ABCB6: variants seen among roughly 807,000 people sequenced by gnomAD.
The protein encoded by ABCB6 is ATP-binding cassette sub-family B member 6.
ABCB6 carries 87 observed loss-of-function variants against 99.4 expected under a neutral mutation model. That is an observed-to-expected ratio of 0.88 (90% CI 0.74 to 1.05). The LOEUF (loss-of-function observed/expected upper bound fraction) is 1.05. Among genes scored for constraint, ABCB6 ranks in the 50% least tolerant of loss-of-function variants. The probability of loss-of-function intolerance (pLI) is 0.00; values close to 1 mark genes in which losing one functional copy is unlikely to be tolerated. For missense variants in ABCB6, 1,050 were observed against 1,097.9 expected (o/e 0.96, Z 0.62); for synonymous variants, 482 against 447.5 (o/e 1.08, Z -0.97).
chr2:219,214,791 G>C (rs1950619887), intron 6 of ABCB6, 170 bp downstream of exon 6: 3 of 747,130 alleles, frequency 4.0e-6, no homozygotes, highest in East Asian at 2.7e-5. Context: ...GCTAGGTTAA[G>C]GTTTGATTTG....
rs113726757 is a variant in ABCB6 at position 219,217,660 on chromosome 2, T to C, written c.687+10A>G. On this transcript the variant is annotated intron_variant, in intron 2 of 18. Transcript: ENST00000265316. The stretch of plus-strand genomic sequence containing the variant: ...TCCGTCTCCAAAAAAAAAAAGAAAC[T>C]GAGGTGTACCTGGCTCCTTTCCACA... 5.9e-5 allele frequency: 93 copies of C among 1,571,360 alleles called. 2 individuals carry two copies. The African/African-American group carries it at 7.4e-4, about 13-fold the overall frequency.
rs1167205633 is a variant in ABCB6, at chr2:219,213,278, T to C, written c.1768A>G (p.Ile590Val). 6.2e-7 allele frequency: 1 copy of C among 1,614,114 alleles called. No individual in the cohort carries two copies. The highest frequency in any genetic ancestry group is 8.5e-7 in the Non-Finnish European group (1 of 1,180,022). ...AGPLRFQKGR[I>V]EFENVHFSYA... ...CTGAAGTGCACGTTCTCAAACTCAATACGGCCCTTCTGAAAGCGAAGGGGC... is the reference window on the plus strand; with the variant it reads ...CTGAAGTGCACGTTCTCAAACTCAACACGGCCCTTCTGAAAGCGAAGGGGC... The change falls in exon 12 of 19, where the codon ATT becomes GTT. Residue 590 changes from isoleucine (I) to valine (V), a missense_variant. Transcript: ENST00000265316.
At position 219,218,909 on chromosome 2, in the gene ABCB6, C is replaced by T. The variant is rs1950686828; in HGVS notation, c.-236G>A. 3 of 489,474 alleles carry T rather than the reference C, an allele frequency of 6.1e-6. No individual in the cohort carries two copies. The highest frequency in any genetic ancestry group is 1.1e-5 in the Non-Finnish European group (3 of 281,232). 30.3% of individuals were successfully genotyped at this position (489,474 alleles called of 1,614,324 possible). On this transcript the variant is annotated 5_prime_UTR_variant, in exon 1 of 19. Coordinates refer to ENST00000265316, the MANE Select transcript of ABCB6 (RefSeq NM_005689.4). ...CACGTACGCCGTCTCAGCACGGCCCCGCTGGCTCTGGGCCCGGGACCCTCC... is the reference window on the plus strand; with the variant it reads ...CACGTACGCCGTCTCAGCACGGCCCTGCTGGCTCTGGGCCCGGGACCCTCC...
chr2:219,212,921 A>C (rs1177026617), intron 13 of ABCB6, 87 bp downstream of exon 13: 3 of 1,454,078 alleles, frequency 2.1e-6, no homozygotes, highest in Non-Finnish European at 2.9e-6. Context: ...GGGCTCTCTG[A>C]CTCCACAGCC....
In ABCB6 at chr2:219,216,268, T is replaced by G. The variant is rs555580172; in HGVS notation, c.971-88A>C. ...AGGATGTGAAAGGTCTGAGAGTACA[T>G]GGGGGCTGGGGAGGAATGCTGGGAG... is the stretch of plus-strand genomic sequence containing the variant. On this transcript the variant is annotated intron_variant, in intron 4 of 18. Coordinates refer to ENST00000265316, the MANE Select transcript of ABCB6 (RefSeq NM_005689.4). This position sits in a 1 kb window ranked among gnomAD's most constrained non-coding sequence, Gnocchi z 4.2. 3.2e-6 allele frequency: 5 copies of G among 1,581,098 alleles called. No individual in the cohort carries two copies. The highest frequency in any genetic ancestry group is 4.3e-6 in the Non-Finnish European group (5 of 1,158,046).
At position 219,216,002 on chromosome 2, in the gene ABCB6, C is replaced by T; in HGVS notation, c.1149G>A (p.Leu383=). The change falls in exon 5 of 19, where the codon CTG becomes CTA. Residue 383 remains leucine (L), a synonymous_variant. Coordinates refer to ENST00000265316, the MANE Select transcript of ABCB6 (RefSeq NM_005689.4). This position sits in a 1 kb window ranked among gnomAD's most constrained non-coding sequence, Gnocchi z 4.2. ...CCTTTCCACTGGGGCGGCACCTGAG[C>T]AGCCCTGTGACACTGGATGTGCCCC... ...ADRGTSSVTG[L]LSYLVFNVIP... The T allele has an allele frequency of 1.3e-6, 2 of 1,571,470 alleles. No homozygotes were observed. The highest frequency in any genetic ancestry group is 1.7e-6 in the Non-Finnish European group (2 of 1,153,650).
chr2:219,217,852 T>G (rs781141574), intron 1 of ABCB6, 45 bp from the exon 2 acceptor site: 8 of 1,603,138 alleles, frequency 5.0e-6, no homozygotes, highest in Non-Finnish European at 6.8e-6. Flanking sequence ...AGGATAAAAT[T>G]TCATTGTATT....
In ABCB6 at chr2:219,216,205, A is replaced by G. The variant is rs376853077; in HGVS notation, c.971-25T>C. On this transcript the variant is annotated intron_variant, in intron 4 of 18. Coordinates refer to ENST00000265316, the MANE Select transcript of ABCB6 (RefSeq NM_005689.4). This position sits in a 1 kb window ranked among gnomAD's most constrained non-coding sequence, Gnocchi z 4.2. ...CCTGCAGGGAGCCGGGGGACGCCTC[A>G]GTAGGGCCTGGGAGCTGAGGGACGT... 56 of 1,575,316 alleles carry G rather than the reference A, an allele frequency of 3.6e-5. No homozygotes were observed. Among genetic ancestry groups the G allele is most frequent in the Non-Finnish European group, 4.8e-5 (56 of 1,156,914 alleles).
In ABCB6 at chr2:219,214,512, G is replaced by C. The variant is rs369817411; in HGVS notation, c.1277-14C>G. On this transcript the variant is annotated splice_polypyrimidine_tract_variant and intron_variant, in intron 6 of 18. Transcript: ENST00000265316. ...CAATGGTCAGGGCTGGAGAGTGACA[G>C]GATGGGGAGCAGAATAGGACATCAT... is the stretch of plus-strand genomic sequence containing the variant. The C allele has an allele frequency of 1.8e-4, 288 of 1,584,862 alleles. 3 individuals carry two copies. The highest frequency in any genetic ancestry group is 8.3e-5 in the Admixed American group (5 of 59,960).
intron 5 of ABCB6, chr2:219,215,745 A>G: frequency 2.7e-6 from 1 of 367,706 alleles, no homozygotes; most frequent in Non-Finnish European, 4.8e-6. Flanking sequence ...TGTCTCAAAA[A>G]AAGAGCAGAA....
chr2:219,216,734 C>T lies in ABCB6; in HGVS notation c.786G>A (p.Gln262=), dbSNP rs746413387. 1 of 1,607,594 alleles carries T rather than the reference C, an allele frequency of 6.2e-7. No individual in the cohort carries two copies. Among genetic ancestry groups the T allele is most frequent in the South Asian group, 1.1e-5 (1 of 89,984 alleles). ...YLWPRGSPAL[Q]LVVLICLGLM... ...GCCCCAGGCAGATGAGCACCACCAG[C>T]TGCAGAGCTGGACTCCCTCGAGGCC... The change falls in exon 3 of 19, where the codon CAG becomes CAA. Residue 262 remains glutamine (Q), a synonymous_variant. Transcript: ENST00000265316. The surrounding 1 kb of genome is among the most constrained non-coding windows in gnomAD (Gnocchi z 4.2).
chr2:219,214,751 G>A lies in ABCB6; in HGVS notation c.1276+210C>T, dbSNP rs116326916. On this transcript the variant is annotated intron_variant, in intron 6 of 18. Transcript: ENST00000265316. ...CCTGTGTCCACGGCTCAGACTTAAC[G>A]TGACAAGAATGTCCTTCCCCAGCCC... 2.9e-3 allele frequency: 1,887 copies of A among 645,876 alleles called. 6 individuals are homozygous for A. Among genetic ancestry groups the A allele is most frequent in the Non-Finnish European group, 4.0e-3 (1,528 of 378,662 alleles). 40.0% of individuals were successfully genotyped at this position (645,876 alleles called of 1,614,324 possible). A position where few individuals can be genotyped will look rare whatever the true frequency, so the allele number is the denominator to read the frequency against.
At chr2:219,215,292 A>G (rs1204855251) in intron 5 of ABCB6, 2 of 565,212 alleles carry the variant, frequency 3.5e-6, no homozygotes, top group Non-Finnish European at 6.2e-6. Context: ...GGAGACCTTC[A>G]GGCATGGAAG....
intron 11 of ABCB6, 56 bp from the exon 12 acceptor site, chr2:219,213,382 C>T (rs1372073551): frequency 2.4e-5 from 38 of 1,613,542 alleles, no homozygotes; most frequent in Non-Finnish European, 2.8e-5. Flanking sequence ...TTTCCAAGCA[C>T]GAGAAACACC....
chr2:219,210,328 C>T, intron 17 of ABCB6, 30 bp from the exon 18 acceptor site: 1 of 1,614,208 alleles, frequency 6.2e-7, no homozygotes, highest in Non-Finnish European at 8.5e-7. Context: ...TCGCCTACTA[C>T]CCCACCCAAA....
intron 15 of ABCB6, 23 bp downstream of exon 15, chr2:219,210,911 C>T: frequency 6.2e-7 from 1 of 1,613,910 alleles, no homozygotes; most frequent in Non-Finnish European, 8.5e-7. Context: ...GGGGAGGGGA[C>T]TCTCTGCAAA....
Position 219,218,566 on chromosome 2 carries a change from C to T in ABCB6, c.108G>A (p.Arg36=), listed in dbSNP as rs777312801. The T allele has an allele frequency of 2.5e-5, 41 of 1,612,560 alleles. No individual in the cohort carries two copies. The South Asian group carries it at 4.4e-4, about 17-fold the overall frequency. Reference sequence around the variant, plus strand: ...CCAAGGCCAGAGTCCCCAGAGCCATCCGCGTCGAGGGCACGAGCGTGAAGA... The same window carrying T: ...CCAAGGCCAGAGTCCCCAGAGCCATTCGCGTCGAGGGCACGAGCGTGAAGA... ...CFFFTLVPST[R]MALGTLALVL... The change falls in exon 1 of 19, where the codon CGG becomes CGA. Residue 36 remains arginine (R), a synonymous_variant. Transcript: ENST00000265316.
Position 219,218,598 on chromosome 2 carries a change from A to T in ABCB6, c.76T>A (p.Cys26Ser). Residue 26 changes from cysteine to serine, a missense_variant, in exon 1 of 19, where the codon TGC becomes AGC. Coordinates refer to ENST00000265316, the MANE Select transcript of ABCB6 (RefSeq NM_005689.4). ...PAWMQDGLSPCFFFTLVPSTR... is the reference protein window; with the variant it reads ...PAWMQDGLSPSFFFTLVPSTR... ...GAGGGCACGAGCGTGAAGAAGAAGC[A>T]GGGACTCAGGCCATCCTGCATCCAG... 6.2e-7 allele frequency: 1 copy of T among 1,612,542 alleles called. No individual in the cohort carries two copies. Among genetic ancestry groups the T allele is most frequent in the Non-Finnish European group, 8.5e-7 (1 of 1,179,758 alleles).
In ABCB6 at chr2:219,216,742, C is replaced by G. The variant is rs1435842228; in HGVS notation, c.778G>C (p.Ala260Pro). 3 of 1,609,270 alleles carry G rather than the reference C, an allele frequency of 1.9e-6. No homozygotes were observed. Among genetic ancestry groups the G allele is most frequent in the African/African-American group, 1.3e-5 (1 of 74,878 alleles). ...SGYLWPRGSP[A>P]LQLVVLICLG... ...CAGATGAGCACCACCAGCTGCAGAG[C>G]TGGACTCCCTCGAGGCCACAGGTAG... The change falls in exon 3 of 19, where the codon GCT becomes CCT. Residue 260 changes from alanine to proline, a missense_variant. Ala to Pro is a conservative substitution (Grantham distance 27). Transcript: ENST00000265316. The surrounding 1 kb of genome is among the most constrained non-coding windows in gnomAD (Gnocchi z 4.2).
Sources: allele counts gnomAD v4.1 joint callset, GRCh38; gene constraint gnomAD v4.1.1; non-coding constraint Gnocchi (gnomAD v3.1); transcripts MANE v1.5; gene names NCBI Gene and HGNC (gene_info 2026-07-23, HGNC 2026-07-21).